Variants in ZNF385B observed in about 807,000 individuals in gnomAD.
ZNF385B encodes the protein zinc finger protein 533.
A neutral mutation model predicts 39.2 loss-of-function variants in ZNF385B; 23 were observed. The observed-to-expected ratio is 0.59, with a 90% CI of 0.42 to 0.83. The LOEUF is 0.83. ZNF385B is among the 40% of genes least tolerant of loss of function. ZNF385B has a pLI of 0.00. For synonymous variants in ZNF385B, 205 were observed against 222.6 expected, an observed-to-expected ratio of 0.92 and a Z score of 0.70; for missense variants, 552 against 598.9, an observed-to-expected ratio of 0.92 and a Z score of 0.82.
At chr2:179,529,093 G>C (rs1454224190) in intron 4 of ZNF385B, among the ~76,000 whole-genome samples, 2 of 151,972 alleles carry the variant, frequency 1.3e-5, no homozygotes, top group Non-Finnish European at 2.9e-5. Context: ...GTTCCTATTT[G>C]AGTTTTAAAT....
At chr2:179,597,272 G>A (rs991966122) in intron 3 of ZNF385B, among the ~76,000 whole-genome samples, 1 of 152,106 alleles carries the variant, frequency 6.6e-6, no homozygotes, top group Admixed American at 6.5e-5. Context: ...TCCCTTGGTG[G>A]TTATATTTTT....
intron 3 of ZNF385B, among the ~76,000 whole-genome samples, chr2:179,548,154 T>C (rs543303987): frequency 1.3e-5 from 2 of 149,766 alleles, no homozygotes; most frequent in Non-Finnish European, 3.0e-5. Context: ...TATAAGATGA[T>C]ACCATCTGCA....
At chr2:179,620,694 C>A (rs1690137938) in intron 3 of ZNF385B, among the ~76,000 whole-genome samples, 1 of 152,094 alleles carries the variant, frequency 6.6e-6, no homozygotes, top group African/African-American at 2.4e-5. Flanking sequence ...GTGAGTCTTA[C>A]AGTCATATAT....
At chr2:179,837,705 T>C (rs1271385796) in intron 1 of ZNF385B, among the ~76,000 whole-genome samples, 2 of 152,218 alleles carry the variant, frequency 1.3e-5, no homozygotes, top group African/African-American at 4.8e-5. Context: ...AACAAAGTGC[T>C]TGCATGGTTT....
At chr2:179,630,504 AC>A (rs71401752) in intron 3 of ZNF385B, among the ~76,000 whole-genome samples, 23,122 of 152,188 alleles carry the variant, frequency 0.15, 1,882 homozygotes, top group Middle Eastern at 0.24. Context: ...CTACACCAAA[AC>A]CCCATCTGTA....
Position 179,669,281 on chromosome 2 carries a change from A to C in ZNF385B, c.298+100222T>G, listed in dbSNP as rs200689207. Among the ~76,000 whole-genome samples, 9 of 152,324 alleles carry C rather than the reference A, an allele frequency of 5.9e-5. No homozygotes were observed. The East Asian group carries it at 1.4e-3, about 23-fold the overall frequency. On this transcript the variant is annotated intron_variant, in intron 3 of 9. Transcript: ENST00000410066. ...TCTGGCCCTGCAGCCGGACCCTTTAATCACAGACTGTCCATCCTCTGTAAA... is the reference window on the plus strand; with the variant it reads ...TCTGGCCCTGCAGCCGGACCCTTTACTCACAGACTGTCCATCCTCTGTAAA...
At chr2:179,664,995 G>C (rs992354451) in intron 3 of ZNF385B, among the ~76,000 whole-genome samples, 1 of 152,072 alleles carries the variant, frequency 6.6e-6, no homozygotes, top group African/African-American at 2.4e-5. Context: ...TAAAAACTTG[G>C]ATTCAGAATT....
chr2:179,579,884 T>G (rs936273333), intron 3 of ZNF385B, among the ~76,000 whole-genome samples: 3 of 152,142 alleles, frequency 2.0e-5, no homozygotes, highest in African/African-American at 7.2e-5. Context: ...ACAGAGAAGA[T>G]TGAGAAATTT....
chr2:179,454,462 ACTATG>A (rs1296864784), intron 6 of ZNF385B, among the ~76,000 whole-genome samples: 3 of 152,174 alleles, frequency 2.0e-5, no homozygotes, highest in African/African-American at 2.4e-5. Flanking sequence ...TATTTACTAT[ACTATG>A]CTTTTTATAA....
At chr2:179,775,834 T>C (rs1704280441) in intron 1 of ZNF385B, among the ~76,000 whole-genome samples, 1 of 152,252 alleles carries the variant, frequency 6.6e-6, no homozygotes, top group Admixed American at 6.5e-5. Flanking sequence ...TCCACAATCA[T>C]ATGAAAGGTT....
At chr2:179,611,147 T>C (rs1163754683) in intron 3 of ZNF385B, among the ~76,000 whole-genome samples, 3 of 152,198 alleles carry the variant, frequency 2.0e-5, no homozygotes, top group African/African-American at 7.2e-5. Context: ...TTTCAGTTTT[T>C]CCCCATTCAT....
intron 5 of ZNF385B, among the ~76,000 whole-genome samples, chr2:179,488,920 C>T (rs1012639288): frequency 2.0e-5 from 3 of 151,864 alleles, no homozygotes; most frequent in Non-Finnish European, 4.4e-5. Context: ...ATATTGTAAA[C>T]GATTAAAAAC....
intron 6 of ZNF385B, among the ~76,000 whole-genome samples, chr2:179,460,950 T>A (rs2051262255): frequency 2.6e-5 from 4 of 152,160 alleles, no homozygotes; most frequent in Admixed American, 2.6e-4. Flanking sequence ...CTGCTCTCAG[T>A]GGATTGGTTT....
chr2:179,457,688 T>C (rs1257733525), intron 6 of ZNF385B, among the ~76,000 whole-genome samples: 1 of 152,150 alleles, frequency 6.6e-6, no homozygotes, highest in Non-Finnish European at 1.5e-5. Flanking sequence ...TTTGTGAGCG[T>C]TTGTTCATAT....
At chr2:179,458,470 C>T (rs905254144) in intron 6 of ZNF385B, among the ~76,000 whole-genome samples, 1 of 152,086 alleles carries the variant, frequency 6.6e-6, no homozygotes, top group Non-Finnish European at 1.5e-5. Context: ...TGGACTAATA[C>T]AGAATATTAC....
chr2:179,784,795 T>C lies in ZNF385B; in HGVS notation c.-154-14123A>G, dbSNP rs1575486068. Among the ~76,000 whole-genome samples, 3 of 152,178 alleles carry C rather than the reference T, an allele frequency of 2.0e-5. No individual in the cohort carries two copies. In the South Asian group the frequency reaches 6.2e-4, roughly 32 times the overall value. On this transcript the variant is annotated intron_variant, in intron 1 of 9. Transcript: ENST00000410066. ...AAGTAAAAATGACAGAAAATATGTGTTTCATGAAGATGTGCAGCAACCAAA... is the reference window on the plus strand; with the variant it reads ...AAGTAAAAATGACAGAAAATATGTGCTTCATGAAGATGTGCAGCAACCAAA...
rs545822399 is a variant in ZNF385B at position 179,662,334 on chromosome 2, C to T, written c.298+107169G>A. ...ACAGATCCAGAGGGGCTTTTTTAAA[C>T]GTCTGTGTTATAGTTTATGGGTAAT... On this transcript the variant is annotated intron_variant, in intron 3 of 9. Coordinates refer to ENST00000410066, the MANE Select transcript of ZNF385B (RefSeq NM_152520.6). Among the ~76,000 whole-genome samples, 179 of 150,162 alleles carry T rather than the reference C, an allele frequency of 1.2e-3. 1 individual carries two copies. Among genetic ancestry groups the T allele is most frequent in the African/African-American group, 4.2e-3 (171 of 40,944 alleles).
rs116682598 is a variant in ZNF385B at position 179,526,125 on chromosome 2, C to T, written c.442-7487G>A. Among the ~76,000 whole-genome samples, 923 of 149,768 alleles carry T rather than the reference C, an allele frequency of 6.2e-3. 10 individuals are homozygous for T. Among genetic ancestry groups the T allele is most frequent in the African/African-American group, 0.021 (873 of 40,740 alleles). Reference sequence around the variant, plus strand: ...CAGTCTGGGTCACTGCAACCTCTGCCTCTTGGGCTCAAGTGATTCTCCCAA... The same window carrying T: ...CAGTCTGGGTCACTGCAACCTCTGCTTCTTGGGCTCAAGTGATTCTCCCAA... On this transcript the variant is annotated intron_variant, in intron 4 of 9. Coordinates refer to ENST00000410066, the MANE Select transcript of ZNF385B (RefSeq NM_152520.6).
intron 4 of ZNF385B, among the ~76,000 whole-genome samples, chr2:179,524,551 C>CAAAAAAAAGAAAAAAAAAAAAAA (rs1300764305): frequency 6.6e-5 from 4 of 60,970 alleles, no homozygotes; most frequent in Non-Finnish European, 1.1e-4. Context: ...GACTCCGTCT[C>CAAAAAAAAGAAAAAAAAAAAAAA]AAAAAAAAAA....
Sources: allele counts gnomAD v4.1 joint callset (sites outside exome capture counted in the v4.1 genomes callset), GRCh38; gene constraint gnomAD v4.1.1; transcripts MANE v1.5; gene names NCBI Gene and HGNC (gene_info 2026-07-23, HGNC 2026-07-21).